The following EIF3A variants were observed in gnomAD, a reference collection of about 807,000 sequenced individuals.
EIF3A encodes eukaryotic translation initiation factor 3 subunit A, also known as EIF3, p180 subunit.
EIF3A carries 21 observed loss-of-function variants against 186.6 expected under a neutral mutation model. The ratio of observed to expected loss-of-function variants is 0.11; its 90% CI spans 0.08 to 0.16. EIF3A has a LOEUF of 0.16. EIF3A is among the 10% of genes least tolerant of loss of function. The pLI is 1.00. For synonymous variants in EIF3A, 563 were observed against 584.3 expected (o/e 0.96, Z 0.52); for missense variants, 1,306 against 1,796.3 (o/e 0.73, Z 4.93).
At chr10:119,073,977 A>ATT in intron 1 of EIF3A, 40 bp from the exon 2 acceptor site, 1 of 1,475,292 alleles carries the variant, frequency 6.8e-7, no homozygotes, top group Non-Finnish European at 9.0e-7. Context: ...TATGTACACT[A>ATT]TACAAGAGTC....
chr10:119,072,036 A>AAAG (rs1844081888), intron 4 of EIF3A, among the ~76,000 whole-genome samples: 1 of 142,388 alleles, frequency 7.0e-6, no homozygotes, highest in Non-Finnish European at 1.5e-5. Flanking sequence ...AAAAAAAAAA[A>AAAG]AAAAAAAAAA....
At chr10:119,074,886 C>T (rs1844135239) in intron 1 of EIF3A, among the ~76,000 whole-genome samples, 1 of 133,702 alleles carries the variant, frequency 7.5e-6, no homozygotes, top group South Asian at 2.4e-4. Flanking sequence ...CCACTGCACT[C>T]CGGCCCGGGC....
At chr10:119,055,724 G>T (rs1843767116) in intron 14 of EIF3A, among the ~76,000 whole-genome samples, 1 of 152,022 alleles carries the variant, frequency 6.6e-6, no homozygotes, top group Admixed American at 6.5e-5. Context: ...ATAAAACAAG[G>T]TGTGCCTATA....
chr10:119,056,793 C>G lies in EIF3A; in HGVS notation c.2143G>C (p.Glu715Gln). 6.2e-7 allele frequency: 1 copy of G among 1,613,768 alleles called. No homozygotes were observed. The highest frequency in any genetic ancestry group is 8.5e-7 in the Non-Finnish European group (1 of 1,179,860). Reference protein sequence around the residue: ...EEIPLIKSAYEEQRIKDMDLW... With the variant: ...EEIPLIKSAYQEQRIKDMDLW... ...TCCATGTCTTTAATTCTCTGTTCCT[C>G]GTAAGCGCTCTTTATCAAAGGAATT... The change falls in exon 14 of 22, where the codon GAG (glutamate) becomes CAG (glutamine). Residue 715 changes from glutamate to glutamine, a missense_variant. Physicochemically the swap from Glu to Gln is conservative, Grantham distance 29. Transcript: ENST00000369144.
chr10:119,059,459 G>A (rs1299985675), intron 10 of EIF3A, 62 bp from the exon 11 acceptor site: 5 of 1,346,868 alleles, frequency 3.7e-6, no homozygotes, highest in Non-Finnish European at 4.1e-6. Flanking sequence ...AAAAGTAACA[G>A]AAGAATGTCA....
At chr10:119,072,024 C>CAAAA (rs56100757) in intron 4 of EIF3A, among the ~76,000 whole-genome samples, 1,066 of 59,236 alleles carry the variant, frequency 0.018, 41 homozygotes, top group African/African-American at 0.036. Context: ...GACTCTGTCT[C>CAAAA]AAAAAAAAAA....
Position 119,037,479 on chromosome 10 carries a change from C to T in EIF3A, c.3729-170G>A, listed in dbSNP as rs531384657. Among the ~76,000 whole-genome samples, 204 of 152,276 alleles carry T rather than the reference C, an allele frequency of 1.3e-3. 2 individuals are homozygous for T. The highest frequency in any genetic ancestry group is 4.8e-3 in the African/African-American group (198 of 41,556). ...GGCGTGGAGAACAAATGAGAACACC[C>T]AGATCTGTGCCGTCCCACTCGTTAG... On this transcript the variant is annotated intron_variant, in intron 20 of 21. Coordinates refer to ENST00000369144, the MANE Select transcript of EIF3A (RefSeq NM_003750.4).
intron 19 of EIF3A, 112 bp from the exon 20 acceptor site, chr10:119,038,551 A>C (rs1848166888): frequency 1.2e-6 from 1 of 849,714 alleles, no homozygotes. Context: ...ATGCTAATTT[A>C]AGACACTGAT....
chr10:119,065,932 C>A (rs576601785), intron 6 of EIF3A, among the ~76,000 whole-genome samples: 1 of 151,780 alleles, frequency 6.6e-6, no homozygotes, highest in African/African-American at 2.4e-5. Flanking sequence ...CTGGCTAACA[C>A]GGTGAAACCC....
In EIF3A at chr10:119,066,979, G is replaced by A. The variant is rs376165751; in HGVS notation, c.951-1409C>T. On this transcript the variant is annotated intron_variant, in intron 6 of 21. Coordinates refer to ENST00000369144, the MANE Select transcript of EIF3A (RefSeq NM_003750.4). ...TGTAATCCCAACACTTTGGGAGGCC[G>A]AGGCAGGTGGATCACCTGAGGTCAG... Among the ~76,000 whole-genome samples the A allele has an allele frequency of 3.1e-3, 475 of 152,128 alleles. 3 individuals are homozygous for A. The highest frequency in any genetic ancestry group is 0.01 in the African/African-American group (424 of 41,504).
At chr10:119,076,976 C>A (rs1256492970) in intron 1 of EIF3A, among the ~76,000 whole-genome samples, 1 of 149,574 alleles carries the variant, frequency 6.7e-6, no homozygotes, top group Non-Finnish European at 1.5e-5. Flanking sequence ...GTACATTAGG[C>A]GTTCTTCATA....
intron 15 of EIF3A, 67 bp downstream of exon 15, chr10:119,051,132 G>C: frequency 1.4e-6 from 2 of 1,412,316 alleles, no homozygotes; most frequent in East Asian, 2.4e-5. Flanking sequence ...AATTTGTTAA[G>C]GGAGAACCCT....
At chr10:119,037,356 A>ATTT in intron 20 of EIF3A, 47 bp from the exon 21 acceptor site, 1 of 1,521,056 alleles carries the variant, frequency 6.6e-7, no homozygotes, top group Non-Finnish European at 9.1e-7. Context: ...GTTAGACCAA[A>ATTT]TGGATAATTA....
intron 1 of EIF3A, among the ~76,000 whole-genome samples, chr10:119,075,552 C>T (rs1490107947): frequency 7.0e-6 from 1 of 142,298 alleles, no homozygotes; most frequent in Admixed American, 7.3e-5. Context: ...ATTTCACACA[C>T]ACACAAACTT....
rs868738381 is a variant in EIF3A at position 119,066,766 on chromosome 10, G to A, written c.951-1196C>T. ...CTTCGCCATTTCCAAGACTGTGACC[G>A]TAGGCAAGATACTTAATTTTCTGAG... On this transcript the variant is annotated intron_variant, in intron 6 of 21. Transcript: ENST00000369144. Among the ~76,000 whole-genome samples the A allele has an allele frequency of 7.1e-4, 108 of 152,044 alleles. 1 individual carries two copies. Among genetic ancestry groups the A allele is most frequent in the African/African-American group, 2.5e-3 (104 of 41,380 alleles).
rs1440713846 is a variant in EIF3A at position 119,052,449 on chromosome 10, C to A, written c.2197-1128G>T. 4.7e-5 allele frequency among the ~76,000 whole-genome samples: 7 copies of A among 147,560 alleles called. No homozygotes were observed. In the South Asian group the frequency reaches 1.5e-3, roughly 32 times the overall value. On this transcript the variant is annotated intron_variant, in intron 14 of 21. Coordinates refer to ENST00000369144, the MANE Select transcript of EIF3A (RefSeq NM_003750.4). ...ACCCAAGCACTGGAGTGCAATGGCA[C>A]CATCTCAGCTCACTGCAACCTCTGC...
Position 119,071,095 on chromosome 10 carries a change from T to C in EIF3A, c.542-10A>G, listed in dbSNP as rs2119819999. ...AGGCAGAATTTGAAAGCTATAAGCA[T>C]AATTGTAAAATATATTAGGTACCTT... On this transcript the variant is annotated splice_polypyrimidine_tract_variant and intron_variant, in intron 4 of 21. Transcript: ENST00000369144. The C allele has an allele frequency of 2.5e-6, 4 of 1,598,884 alleles. No individual in the cohort carries two copies. Among genetic ancestry groups the C allele is most frequent in the Middle Eastern group, 1.7e-4 (1 of 6,028 alleles).
Position 119,036,009 on chromosome 10 carries a change from G to C in EIF3A, c.*30C>G. 1.3e-6 allele frequency: 2 copies of C among 1,506,582 alleles called. No individual in the cohort carries two copies. Among genetic ancestry groups the C allele is most frequent in the Non-Finnish European group, 1.8e-6 (2 of 1,082,056 alleles). The allele number at this position is 1,506,582 out of a possible 1,614,324, so 93.3% of individuals were successfully genotyped here. ...CTTGAATGTGATCAAACCTATTTAAGACACCAGTTTAAATCCATTATCTTG... is the reference window on the plus strand; with the variant it reads ...CTTGAATGTGATCAAACCTATTTAACACACCAGTTTAAATCCATTATCTTG... On this transcript the variant is annotated 3_prime_UTR_variant, in exon 22 of 22. Transcript: ENST00000369144.
In EIF3A at chr10:119,076,187, C is replaced by G. The variant is rs1170227021; in HGVS notation, c.50-2250G>C. Among the ~76,000 whole-genome samples the G allele has an allele frequency of 2.0e-5, 3 of 151,258 alleles. No homozygotes were observed. The East Asian group carries it at 5.9e-4, about 30-fold the overall frequency. ...CTCTACTAAAAATACAAAAAATTAG[C>G]TGGGCCATGGTGATGCACGCCCGTA... On this transcript the variant is annotated intron_variant, in intron 1 of 21. Transcript: ENST00000369144.
Sources: gnomAD v4.1 joint callset for allele counts (sites outside exome capture counted in the v4.1 genomes callset) on GRCh38, gnomAD v4.1.1 for gene constraint, MANE v1.5 for transcripts, NCBI Gene and HGNC (gene_info 2026-07-23, HGNC 2026-07-21) for gene names.